ATG7: variants seen among roughly 807,000 people sequenced by gnomAD.
ATG7 encodes autophagy related 7.
A neutral mutation model predicts 82.4 loss-of-function variants in ATG7; 70 were observed. The ratio of observed to expected loss-of-function variants is 0.85; its 90% CI spans 0.70 to 1.04. ATG7 has a LOEUF of 1.04. ATG7 is among the 50% of genes least tolerant of loss of function. ATG7 has a pLI of 0.00. For synonymous variants in ATG7, 287 were observed against 313.0 expected (o/e 0.92, Z 0.88); for missense variants, 792 against 864.3 (o/e 0.92, Z 1.05).
intron 20 of ATG7, among the ~76,000 whole-genome samples, chr3:11,554,538 G>A (rs976107845): frequency 5.9e-5 from 9 of 152,194 alleles, no homozygotes; most frequent in South Asian, 2.1e-4. Context: ...ACGGTCCCCC[G>A]AGGTGGACAT....
rs1224434025 is a variant in ATG7 at position 11,557,412 on chromosome 3, AAACCCC to A, written c.*2571_*2576del. The A allele has an allele frequency of 1.3e-5, 2 of 152,762 alleles. No homozygotes were observed. Among genetic ancestry groups the A allele is most frequent in the Non-Finnish European group, 2.9e-5 (2 of 68,044 alleles). 9.5% of individuals were successfully genotyped at this position (152,762 alleles called of 1,614,324 possible). On this transcript the variant is annotated 3_prime_UTR_variant, in exon 21 of 21. Transcript: ENST00000693202. ...TGCATGTAGGGAAGTTGGAAGACAC[AAACCCC>A]ACCTCCCCTGGGAGCTTGTAACAAA...
chr3:11,391,920 T>C (rs1334133153), intron 19 of ATG7, among the ~76,000 whole-genome samples: 1 of 138,922 alleles, frequency 7.2e-6, no homozygotes, highest in Non-Finnish European at 1.5e-5. Context: ...GACAGTGATG[T>C]GGTAGGATTC....
intron 14 of ATG7, among the ~76,000 whole-genome samples, chr3:11,356,006 T>C (rs2075908014): frequency 6.6e-6 from 1 of 152,176 alleles, no homozygotes; most frequent in Non-Finnish European, 1.5e-5. Context: ...TACTTAACAA[T>C]ATAATGAACC....
At chr3:11,571,783 C>T in the ATG7 span, among the ~76,000 whole-genome samples, 1 of 152,166 alleles carries the variant, frequency 6.6e-6, no homozygotes, top group Non-Finnish European at 1.5e-5. Flanking sequence ...CCATCTATTG[C>T]GAGACAGCTG....
chr3:11,318,248 T>C (rs543382652), intron 9 of ATG7, among the ~76,000 whole-genome samples: 63 of 152,270 alleles, frequency 4.1e-4, no homozygotes, highest in South Asian at 8.3e-4. Context: ...AGCCTGGAAT[T>C]ACTCAGCACA....
rs559544615 is a variant in ATG7, at chr3:11,407,697, C to T, written c.1957-19107C>T. On this transcript the variant is annotated intron_variant, in intron 19 of 20. Transcript: ENST00000693202. Reference sequence around the variant, plus strand: ...CTGTGTACTTGCAGGCTCAAAACCACGTGGAAGCTGTCAAGTCTTGGGGCT... The same window carrying T: ...CTGTGTACTTGCAGGCTCAAAACCATGTGGAAGCTGTCAAGTCTTGGGGCT... 1.6e-4 allele frequency among the ~76,000 whole-genome samples: 25 copies of T among 152,312 alleles called. No homozygotes were observed. In the South Asian group the frequency reaches 3.5e-3, roughly 21 times the overall value.
chr3:11,491,590 C>T (rs1465175961), intron 20 of ATG7, among the ~76,000 whole-genome samples: 48 of 152,206 alleles, frequency 3.2e-4, no homozygotes, highest in Admixed American at 2.2e-3. Context: ...GTTTTTTCCC[C>T]GTCTTTGTGG....
At chr3:11,398,291 A>G (rs903304997) in intron 19 of ATG7, among the ~76,000 whole-genome samples, 4 of 152,184 alleles carry the variant, frequency 2.6e-5, no homozygotes, top group African/African-American at 7.2e-5. Context: ...AAGCACACAC[A>G]TAATATTTTA....
chr3:11,356,343 T>C (rs1189062312), intron 14 of ATG7, among the ~76,000 whole-genome samples: 1 of 152,192 alleles, frequency 6.6e-6, no homozygotes, highest in African/African-American at 2.4e-5. Context: ...CAGGGGAGTT[T>C]TAGAAAATAT....
chr3:11,489,807 T>C (rs1324513582), intron 20 of ATG7, among the ~76,000 whole-genome samples: 2 of 152,042 alleles, frequency 1.3e-5, no homozygotes, highest in Non-Finnish European at 1.5e-5. Flanking sequence ...TTCTTAATCC[T>C]GAGTTCTAGT....
At chr3:11,324,990 A>C (rs528739644) in intron 9 of ATG7, among the ~76,000 whole-genome samples, 1 of 152,200 alleles carries the variant, frequency 6.6e-6, no homozygotes, top group Non-Finnish European at 1.5e-5. Context: ...CTGTATTTTT[A>C]CTATACCTTC....
At chr3:11,477,347 A>G (rs1211718612) in intron 20 of ATG7, 2 of 1,128,014 alleles carry the variant, frequency 1.8e-6, no homozygotes, top group East Asian at 6.4e-5. Context: ...AAATACGTTC[A>G]GTAATGAATG....
chr3:11,289,042 A>G (rs1944540118), intron 3 of ATG7, among the ~76,000 whole-genome samples: 1 of 152,234 alleles, frequency 6.6e-6, no homozygotes, highest in Non-Finnish European at 1.5e-5. Context: ...GATGTTTCAC[A>G]TCCTGAAATA....
chr3:11,312,187 C>G (rs1948771571), intron 7 of ATG7, among the ~76,000 whole-genome samples: 2 of 151,998 alleles, frequency 1.3e-5, no homozygotes, highest in African/African-American at 4.8e-5. Context: ...AATTATATCT[C>G]AATAAAAAGT....
rs112572010 is a variant in ATG7 at position 11,317,960 on chromosome 3, T to C, written c.678+2467T>C. Among the ~76,000 whole-genome samples, 64 of 152,352 alleles carry C rather than the reference T, an allele frequency of 4.2e-4. 1 individual carries two copies. Among genetic ancestry groups the C allele is most frequent in the African/African-American group, 1.4e-3 (60 of 41,592 alleles). On this transcript the variant is annotated intron_variant, in intron 9 of 20. Coordinates refer to ENST00000693202, the MANE Select transcript of ATG7 (RefSeq NM_001349232.2). ...TGCATAACTTTTCTTTGTATTAGTTTATCTGTTAAATGGTGGTAATGCCAC... is the reference window on the plus strand; with the variant it reads ...TGCATAACTTTTCTTTGTATTAGTTCATCTGTTAAATGGTGGTAATGCCAC...
the ATG7 span, chr3:11,568,751 C>T: frequency 7.9e-6 from 12 of 1,516,712 alleles, no homozygotes; most frequent in South Asian, 7.6e-5. This position sits in a 1 kb window ranked among gnomAD's most constrained non-coding sequence, Gnocchi z 5.9. Context: ...GCATCCTGCC[C>T]GGGAGATGGA....
intron 9 of ATG7, among the ~76,000 whole-genome samples, chr3:11,320,774 G>A (rs995315068): frequency 1.3e-5 from 2 of 152,226 alleles, no homozygotes; most frequent in African/African-American, 4.8e-5. Flanking sequence ...TGTGAAGACT[G>A]GAGATTGCTC....
At chr3:11,350,869 G>C (rs1042388496) in intron 14 of ATG7, among the ~76,000 whole-genome samples, 1 of 144,292 alleles carries the variant, frequency 6.9e-6, no homozygotes, top group South Asian at 2.2e-4. Context: ...GGAGGAGATC[G>C]CTTAAGGCCA....
intron 20 of ATG7, among the ~76,000 whole-genome samples, chr3:11,462,815 C>T (rs950023288): frequency 6.6e-6 from 1 of 151,948 alleles, no homozygotes; most frequent in Admixed American, 6.6e-5. Flanking sequence ...ATATGTAACA[C>T]AAGGGCCCTG....
Sources: gnomAD v4.1 joint callset for allele counts (sites outside exome capture counted in the v4.1 genomes callset) on GRCh38, gnomAD v4.1.1 for gene constraint, Gnocchi (gnomAD v3.1) non-coding constraint, MANE v1.5 for transcripts, NCBI Gene and HGNC (gene_info 2026-07-23, HGNC 2026-07-21) for gene names.